The following MECR variants were observed in gnomAD, a reference collection of about 807,000 sequenced individuals.
MECR encodes enoyl-[acyl-carrier-protein] reductase, mitochondrial.
Under a neutral mutation model 49.1 loss-of-function variants are expected in MECR, and 37 were observed. That is an observed-to-expected ratio of 0.75 (90% CI 0.58 to 0.99). MECR has a LOEUF of 0.99. Ranked by LOEUF, MECR falls within the 50% of genes least tolerant of loss-of-function variation. The pLI, the probability that MECR is intolerant of heterozygous loss-of-function variation, is 0.00. For synonymous variants in MECR, 198 were observed against 191.1 expected (o/e 1.04, Z -0.30); for missense variants, 470 against 479.6 (o/e 0.98, Z 0.19).
the MECR span, chr1:29,171,581 C>T: frequency 6.6e-6 from 1 of 151,768 alleles, no homozygotes; most frequent in African/African-American, 2.4e-5. Flanking sequence ...ATAAGTCATA[C>T]AAATGCATTA....
At chr1:29,223,606 CAAG>C (rs904609565) in intron 1 of MECR, 1 of 152,338 alleles carries the variant, frequency 6.6e-6, no homozygotes, top group Admixed American at 6.5e-5. Context: ...AGTACAGAAT[CAAG>C]AACGTTTGTG....
At chr1:29,199,001 T>G (rs1674677088) in intron 7 of MECR, among the ~76,000 whole-genome samples, 1 of 152,196 alleles carries the variant, frequency 6.6e-6, no homozygotes, top group African/African-American at 2.4e-5. Flanking sequence ...AGTCAAGCGC[T>G]GCACACAGTC....
chr1:29,181,092 T>C, the MECR span, among the ~76,000 whole-genome samples: 2 of 152,202 alleles, frequency 1.3e-5, no homozygotes, highest in Non-Finnish European at 2.9e-5. Flanking sequence ...CTTTCGAAAC[T>C]GTCACTAGAC....
chr1:29,228,612 G>A (rs192021745), intron 1 of MECR, among the ~76,000 whole-genome samples: 3 of 152,158 alleles, frequency 2.0e-5, no homozygotes, highest in African/African-American at 7.2e-5. Context: ...CATCGCGCCC[G>A]GTTGGAAGTA....
At chr1:29,189,817 T>G (rs1673087334), downstream of MECR, among the ~76,000 whole-genome samples, 1 of 152,216 alleles carries the variant, frequency 6.6e-6, no homozygotes, top group Non-Finnish European at 1.5e-5. Context: ...CAGAAATCTT[T>G]TGTTCCTTAC....
chr1:29,200,152 A>T (rs1674971915), intron 7 of MECR, among the ~76,000 whole-genome samples: 1 of 152,206 alleles, frequency 6.6e-6, no homozygotes, highest in Non-Finnish European at 1.5e-5. Context: ...TTAAAATTAG[A>T]ATCTATTTTA....
downstream of MECR, among the ~76,000 whole-genome samples, chr1:29,191,711 G>A (rs1030892150): frequency 5.4e-4 from 82 of 152,228 alleles, no homozygotes; most frequent in African/African-American, 2.0e-3. Flanking sequence ...GCCCCAGGCT[G>A]AAGCTGAGTC....
chr1:29,171,829 T>C, the MECR span: 1 of 152,144 alleles, frequency 6.6e-6, no homozygotes, highest in Non-Finnish European at 1.5e-5. Flanking sequence ...GGCCCTTAAA[T>C]TCATACAGTA....
At position 29,210,588 on chromosome 1, in the gene MECR, C is replaced by A. The variant is rs191652891; in HGVS notation, c.407-3683G>T. 1.4e-4 allele frequency among the ~76,000 whole-genome samples: 22 copies of A among 152,282 alleles called. No individual in the cohort carries two copies. In the East Asian group the frequency reaches 4.1e-3, roughly 28 times the overall value. Reference sequence around the variant, plus strand: ...TATGGCACGACAATGGAAATCCAACCCTTGATATGGATTTCTGGGGCTTAG... The same window carrying A: ...TATGGCACGACAATGGAAATCCAACACTTGATATGGATTTCTGGGGCTTAG... On this transcript the variant is annotated intron_variant, in intron 3 of 9. Coordinates refer to ENST00000263702, the MANE Select transcript of MECR (RefSeq NM_016011.5).
chr1:29,187,323 G>A, the MECR span, among the ~76,000 whole-genome samples: 2 of 151,178 alleles, frequency 1.3e-5, no homozygotes, highest in African/African-American at 2.4e-5. Flanking sequence ...AGCGATTCTC[G>A]TGCCTCAGCC....
intron 1 of MECR, among the ~76,000 whole-genome samples, chr1:29,228,254 T>C (rs1682601713): frequency 1.3e-5 from 2 of 151,436 alleles, no homozygotes; most frequent in South Asian, 4.2e-4. Context: ...AAATAAAAGC[T>C]GTCTGATATT....
chr1:29,173,846 T>C, the MECR span, among the ~76,000 whole-genome samples: 37 of 151,992 alleles, frequency 2.4e-4, 1 homozygote, highest in Admixed American at 2.4e-3. Context: ...AACATTTTAA[T>C]TAGAAAAAAT....
intron 1 of MECR, among the ~76,000 whole-genome samples, chr1:29,226,038 A>C (rs993605930): frequency 2.0e-5 from 3 of 152,034 alleles, no homozygotes; most frequent in African/African-American, 7.2e-5. Flanking sequence ...GTGTGGTGGC[A>C]CGCGCCTGTA....
intron 5 of MECR, among the ~76,000 whole-genome samples, chr1:29,202,392 G>C (rs1484988431): frequency 6.6e-6 from 1 of 152,190 alleles, no homozygotes; most frequent in Non-Finnish European, 1.5e-5. Flanking sequence ...TGGTTCTTCA[G>C]AGTGTTGGAC....
the MECR span, chr1:29,170,119 T>C: frequency 2.6e-5 from 4 of 152,198 alleles, no homozygotes; most frequent in African/African-American, 7.2e-5. Flanking sequence ...CAATCATCTG[T>C]GTCCATTTCA....
At chr1:29,216,564 A>G (rs1232903232) in intron 2 of MECR, 24 bp downstream of exon 2, 4 of 1,611,230 alleles carry the variant, frequency 2.5e-6, no homozygotes, top group Non-Finnish European at 3.4e-6. Flanking sequence ...GCCAATTAAC[A>G]TAAGCCACAG....
At position 29,206,837 on chromosome 1, in the gene MECR, G is replaced by T; in HGVS notation, c.475C>A (p.Gln159Lys). ...TTGACACCCAGGGTGGCAGCGCTCT[G>T]AAGAGGGATGTCACTCGGAACTTGG... ...LIQVPSDIPLQSAATLGVNPC... is the reference protein window; with the variant it reads ...LIQVPSDIPLKSAATLGVNPC... The change falls in exon 4 of 10, where the codon CAG becomes AAG. Residue 159 changes from glutamine to lysine, a missense_variant. Physicochemically the swap from Gln to Lys is moderately conservative, Grantham distance 53 (BLOSUM62 1). Coordinates refer to ENST00000263702, the MANE Select transcript of MECR (RefSeq NM_016011.5). The T allele has an allele frequency of 1.9e-6, 3 of 1,614,192 alleles. No homozygotes were observed. Among genetic ancestry groups the T allele is most frequent in the Non-Finnish European group, 2.5e-6 (3 of 1,180,036 alleles).
chr1:29,223,343 C>T (rs1442361354), intron 1 of MECR: 1 of 955,222 alleles, frequency 1.0e-6, no homozygotes, highest in Non-Finnish European at 1.2e-6. Flanking sequence ...AGGCCAGTAC[C>T]CTGGGGACTG....
the MECR span, among the ~76,000 whole-genome samples, chr1:29,180,543 C>T: frequency 6.6e-6 from 1 of 152,178 alleles, no homozygotes; most frequent in Non-Finnish European, 1.5e-5. Flanking sequence ...TTTCAGGTGT[C>T]AGTTACTAGT....
Sources: gnomAD v4.1 joint callset for allele counts (sites outside exome capture counted in the v4.1 genomes callset) on GRCh38, gnomAD v4.1.1 for gene constraint, MANE v1.5 for transcripts, NCBI Gene and HGNC (gene_info 2026-07-23, HGNC 2026-07-21) for gene names.